BSN: variants seen among roughly 807,000 people sequenced by gnomAD.
The protein encoded by BSN is bassoon presynaptic cytomatrix protein.
A neutral mutation model predicts 264.8 loss-of-function variants in BSN; 57 were observed. The observed-to-expected ratio is 0.22, with a 90% confidence interval of 0.17 to 0.27. The LOEUF (loss-of-function observed/expected upper bound fraction) is 0.27. BSN is among the 10% of genes least tolerant of loss of function. The probability of loss-of-function intolerance (pLI) is 1.00; values close to 1 mark genes in which losing one functional copy is unlikely to be tolerated. For synonymous variants in BSN, 2,059 were observed against 2,137.3 expected (o/e 0.96, Z 1.01); for missense variants, 4,615 against 5,232.5 (o/e 0.88, Z 3.64).
rs143663430 is a variant in BSN at position 49,559,370 on chromosome 3, A to C, written c.224+4544A>C. On this transcript the variant is annotated intron_variant, in intron 1 of 11. Transcript: ENST00000296452. ...ACTTATGGCCAATTGAGTTTAATTT[A>C]TCTCTCTCACATCCTACCCCCTAGA... is the stretch of plus-strand genomic sequence containing the variant. 1.8e-4 allele frequency among the ~76,000 whole-genome samples: 27 copies of C among 152,256 alleles called. No homozygotes were observed. The East Asian group carries it at 4.6e-3, about 26-fold the overall frequency.
At chr3:49,556,294 GT>G (rs1287912340) in intron 1 of BSN, among the ~76,000 whole-genome samples, 15 of 152,218 alleles carry the variant, frequency 9.9e-5, no homozygotes, top group African/African-American at 3.1e-4. Context: ...TCTGCTTGTA[GT>G]TTATCAGATG....
rs767487990 is a variant in BSN at position 49,654,871 on chromosome 3, C to A, written c.5315C>A (p.Ala1772Asp). ...GQGGGSPVCLAQVKQVEQAVQ... is the reference protein window; with the variant it reads ...GQGGGSPVCLDQVKQVEQAVQ... ...GGTGGGGGTAGCCCTGTGTGCCTGGCCCAGGTCAAACAAGTAGAGCAGGCT... is the reference window on the plus strand; with the variant it reads ...GGTGGGGGTAGCCCTGTGTGCCTGGACCAGGTCAAACAAGTAGAGCAGGCT... The change falls in exon 5 of 12, where the codon GCC becomes GAC. Residue 1772 changes from alanine (A) to aspartate (D), a missense_variant. Ala to Asp is a moderately radical substitution (Grantham distance 126, BLOSUM62 -2). Transcript: ENST00000296452. This position sits in a 1 kb window ranked among gnomAD's most constrained non-coding sequence, Gnocchi z 4.1. 1.2e-6 allele frequency: 2 copies of A among 1,613,358 alleles called. No individual in the cohort carries two copies. The highest frequency in any genetic ancestry group is 2.2e-5 in the East Asian group (1 of 44,884).
At chr3:49,561,308 C>CA (rs1328554598) in intron 1 of BSN, among the ~76,000 whole-genome samples, 1 of 152,188 alleles carries the variant, frequency 6.6e-6, no homozygotes, top group Non-Finnish European at 1.5e-5. Flanking sequence ...CCAAGAGCCT[C>CA]AGCAGCAAGG....
rs370603592 is a variant in BSN at position 49,638,979 on chromosome 3, C to A, written c.634-3289C>A. On this transcript the variant is annotated intron_variant, in intron 2 of 11. Coordinates refer to ENST00000296452, the MANE Select transcript of BSN (RefSeq NM_003458.4). The surrounding 1 kb of genome is among the most constrained non-coding windows in gnomAD (Gnocchi z 4.3). Reference sequence around the variant, plus strand: ...CTGCCACCCTGGGCCAGAGGCTGAGCTTCCCCTCTGAGGAGTAATCCCCTT... The same window carrying A: ...CTGCCACCCTGGGCCAGAGGCTGAGATTCCCCTCTGAGGAGTAATCCCCTT... 5.9e-5 allele frequency among the ~76,000 whole-genome samples: 9 copies of A among 152,264 alleles called. No homozygotes were observed. The East Asian group carries it at 1.2e-3, about 20-fold the overall frequency.
chr3:49,570,535 T>G (rs566057368), intron 1 of BSN, among the ~76,000 whole-genome samples: 1 of 152,186 alleles, frequency 6.6e-6, no homozygotes, highest in Admixed American at 6.5e-5. Flanking sequence ...CCAGCCTCTG[T>G]GCTGTCCCTA....
At chr3:49,586,788 T>C (rs2051941195) in intron 1 of BSN, among the ~76,000 whole-genome samples, 2 of 152,258 alleles carry the variant, frequency 1.3e-5, no homozygotes, top group South Asian at 4.1e-4. Context: ...AAAATGCCAG[T>C]ACAATGTTGT....
rs775519134 is a variant in BSN, at chr3:49,642,964, G to A, written c.1330G>A (p.Glu444Lys). The change falls in exon 3 of 12, where the codon GAA (glutamate) becomes AAA (lysine). Residue 444 changes from glutamate (E) to lysine (K), a missense_variant. By Grantham distance (56) the Glu-to-Lys change is moderately conservative. Coordinates refer to ENST00000296452, the MANE Select transcript of BSN (RefSeq NM_003458.4). The surrounding 1 kb of genome is among the most constrained non-coding windows in gnomAD (Gnocchi z 7.0). ...AACCAGTCCAAAGCATGGCAGAGCA[G>A]AACATCAGGCAGCATCGAAGGCTGC... ...GTTSPKHGRA[E>K]HQAASKAAAK... is the part of the protein sequence containing the mutation. 9 of 1,614,004 alleles carry A rather than the reference G, an allele frequency of 5.6e-6. No homozygotes were observed. Among genetic ancestry groups the A allele is most frequent in the Admixed American group, 1.7e-5 (1 of 60,014 alleles).
intron 9 of BSN, 47 bp downstream of exon 9, chr3:49,664,601 C>T (rs1435439963): frequency 6.4e-7 from 1 of 1,554,312 alleles, no homozygotes. Flanking sequence ...TACTCTGGTA[C>T]AGGCTGGGTC....
At chr3:49,618,638 C>T (rs985328000) in intron 1 of BSN, among the ~76,000 whole-genome samples, 22 of 152,248 alleles carry the variant, frequency 1.4e-4, no homozygotes, top group African/African-American at 4.8e-4. Context: ...GCTTATCCTG[C>T]GTAGCTACTC....
intron 1 of BSN, among the ~76,000 whole-genome samples, chr3:49,609,268 AT>A (rs879332745): frequency 2.7e-3 from 377 of 140,590 alleles, no homozygotes; most frequent in Admixed American, 2.4e-3. Flanking sequence ...TGCTTGGCTA[AT>A]TTTTTTTTTT....
At chr3:49,569,153 C>G (rs1292910995) in intron 1 of BSN, among the ~76,000 whole-genome samples, 1 of 151,984 alleles carries the variant, frequency 6.6e-6, no homozygotes, top group Non-Finnish European at 1.5e-5. Context: ...GGAGTTTGTT[C>G]TTGGACAAGT....
intron 1 of BSN, among the ~76,000 whole-genome samples, chr3:49,556,221 T>G (rs1446683168): frequency 6.6e-6 from 1 of 152,190 alleles, no homozygotes; most frequent in African/African-American, 2.4e-5. Flanking sequence ...AAAAACACCT[T>G]GTTATTGAGA....
chr3:49,557,516 C>T lies in BSN; in HGVS notation c.224+2690C>T, dbSNP rs2051682144. Among the ~76,000 whole-genome samples, 3 of 151,588 alleles carry T rather than the reference C, an allele frequency of 2.0e-5. No individual in the cohort carries two copies. In the South Asian group the frequency reaches 6.2e-4, roughly 32 times the overall value. The stretch of plus-strand genomic sequence containing the variant: ...TTTTAAAATAATTACACGAAGGAGC[C>T]ATGTAGACCAGTGGCAGCCTGTCTA... On this transcript the variant is annotated intron_variant, in intron 1 of 11. Transcript: ENST00000296452.
intron 1 of BSN, among the ~76,000 whole-genome samples, chr3:49,588,924 T>C (rs1449492824): frequency 6.6e-6 from 1 of 151,594 alleles, no homozygotes; most frequent in African/African-American, 2.4e-5. Flanking sequence ...GGAGTGTTTT[T>C]TTTTTTTTGA....
At chr3:49,602,574 A>C (rs2052080630) in intron 1 of BSN, among the ~76,000 whole-genome samples, 1 of 151,678 alleles carries the variant, frequency 6.6e-6, no homozygotes, top group Non-Finnish European at 1.5e-5. Context: ...GCCTCATGAA[A>C]AGCTGGGATT....
At chr3:49,617,614 A>G (rs2052271153) in intron 1 of BSN, among the ~76,000 whole-genome samples, 1 of 151,742 alleles carries the variant, frequency 6.6e-6, no homozygotes, top group Non-Finnish European at 1.5e-5. Flanking sequence ...CTTTTTCCTC[A>G]TTCCCTTCTT....
rs1208545414 is a variant in BSN, at chr3:49,638,647, C to T, written c.634-3621C>T. ...ATCTGGGCGATGAGTCACTGAGGGGCGTTTCAGCCTTTTCTTGGAGAAGTT... is the reference window on the plus strand; with the variant it reads ...ATCTGGGCGATGAGTCACTGAGGGGTGTTTCAGCCTTTTCTTGGAGAAGTT... On this transcript the variant is annotated intron_variant, in intron 2 of 11. Coordinates refer to ENST00000296452, the MANE Select transcript of BSN (RefSeq NM_003458.4). The surrounding 1 kb of genome is among the most constrained non-coding windows in gnomAD (Gnocchi z 4.3). Among the ~76,000 whole-genome samples, 1 of 152,150 alleles carries T rather than the reference C, an allele frequency of 6.6e-6. No individual in the cohort carries two copies. The highest frequency in any genetic ancestry group is 1.9e-4 in the East Asian group (1 of 5,184).
At position 49,661,478 on chromosome 3, in the gene BSN, C is replaced by T. The variant is rs745878544; in HGVS notation, c.9633C>T (p.Ala3211=). The T allele has an allele frequency of 1.9e-6, 3 of 1,614,022 alleles. No homozygotes were observed. The South Asian group carries it at 3.3e-5, about 18-fold the overall frequency. ...GTGGCAGTGTGAGCCAGAGCCCAGC[C>T]CCCACCTACCCCTCTGACTCACACT... ...GDRGSVSQSP[A]PTYPSDSHYT... is the part of the protein sequence containing the mutation. Residue 3211 remains alanine (A), a synonymous_variant, in exon 6 of 12, where the codon GCC becomes GCT. Transcript: ENST00000296452.
intron 1 of BSN, among the ~76,000 whole-genome samples, chr3:49,574,630 CTTTTTTTTTTTTTT>C (rs60300269): frequency 5.8e-5 from 3 of 51,920 alleles, no homozygotes; most frequent in African/African-American, 7.1e-5. Context: ...GGTGGGGTTT[CTTTTTTTTTTTTTT>C]TTTTTTTTTG....
Sources: allele counts gnomAD v4.1 joint callset (sites outside exome capture counted in the v4.1 genomes callset), GRCh38; gene constraint gnomAD v4.1.1; non-coding constraint Gnocchi (gnomAD v3.1); transcripts MANE v1.5; gene names NCBI Gene and HGNC (gene_info 2026-07-23, HGNC 2026-07-21).